LOXL2: variants seen among roughly 807,000 people sequenced by gnomAD.
LOXL2 encodes lysyl oxidase like 2.
LOXL2 carries 70 observed loss-of-function variants against 93.0 expected under a neutral mutation model. The observed-to-expected ratio is 0.75, with a 90% CI of 0.62 to 0.92. The LOEUF (loss-of-function observed/expected upper bound fraction) is 0.92. Among genes scored for constraint, LOXL2 ranks in the 40% least tolerant of loss-of-function variants. The pLI is 0.00. For missense variants in LOXL2, 973 were observed against 1,054.9 expected, an observed-to-expected ratio of 0.92 and a Z score of 1.08; for synonymous variants, 438 against 413.2, an observed-to-expected ratio of 1.06 and a Z score of -0.73.
intron 8 of LOXL2, among the ~76,000 whole-genome samples, chr8:23,318,462 A>ACACACACACACACAC (rs1563188784): frequency 4.6e-5 from 5 of 108,346 alleles, no homozygotes; most frequent in African/African-American, 2.4e-4. Flanking sequence ...CACACACACA[A>ACACACACACACACAC]AAATACACAT....
chr8:23,303,821 C>T (rs961426375), intron 10 of LOXL2, among the ~76,000 whole-genome samples: 10 of 152,102 alleles, frequency 6.6e-5, no homozygotes, highest in East Asian at 5.8e-4. Context: ...CGCATTTTGA[C>T]GTCTTTTGAA....
chr8:23,361,536 T>A (rs1423132297), intron 2 of LOXL2, among the ~76,000 whole-genome samples: 1 of 152,066 alleles, frequency 6.6e-6, no homozygotes, highest in African/African-American at 2.4e-5. Context: ...ACCCTTAGGA[T>A]GGCTACTATC....
intron 3 of LOXL2, among the ~76,000 whole-genome samples, chr8:23,350,349 C>T (rs1804072452): frequency 1.3e-5 from 2 of 152,042 alleles, no homozygotes; most frequent in South Asian, 2.1e-4. Flanking sequence ...GAGGCCGAGG[C>T]GGGCAGTTCA....
intron 11 of LOXL2, 105 bp downstream of exon 11, chr8:23,303,177 G>A: frequency 1.3e-6 from 1 of 757,000 alleles, no homozygotes; most frequent in Non-Finnish European, 2.4e-6. Context: ...AGTGGTCAGA[G>A]TGACACAGGG....
chr8:23,387,719 G>C (rs1330893176), intron 1 of LOXL2, among the ~76,000 whole-genome samples: 2 of 152,156 alleles, frequency 1.3e-5, no homozygotes, highest in African/African-American at 4.8e-5. Context: ...GGAGGCTGAG[G>C]CAGGTGGATC....
intron 7 of LOXL2, among the ~76,000 whole-genome samples, chr8:23,320,915 A>G (rs1803485186): frequency 6.6e-6 from 1 of 152,176 alleles, no homozygotes; most frequent in African/African-American, 2.4e-5. Flanking sequence ...CAAAAAACAA[A>G]CGAATAAAAA....
chr8:23,350,974 C>T (rs1804083016), intron 3 of LOXL2, among the ~76,000 whole-genome samples: 1 of 152,142 alleles, frequency 6.6e-6, no homozygotes, highest in African/African-American at 2.4e-5. Flanking sequence ...GACCACCCAC[C>T]ACACAACCTC....
chr8:23,354,546 G>A (rs1460757745), intron 3 of LOXL2, among the ~76,000 whole-genome samples: 1 of 151,944 alleles, frequency 6.6e-6, no homozygotes, highest in East Asian at 1.9e-4. Context: ...GGCAAAGAGA[G>A]AACCCAAGCA....
At chr8:23,299,537 C>T (rs920037497) in intron 12 of LOXL2, among the ~76,000 whole-genome samples, 6 of 152,170 alleles carry the variant, frequency 3.9e-5, no homozygotes, top group African/African-American at 1.4e-4. Flanking sequence ...CCCCTGTATC[C>T]GCATCCCCCC....
chr8:23,368,404 A>T lies in LOXL2; in HGVS notation c.-53T>A. ...AAGGGGCCCTGCGCAGCTGGGAGGG[A>T]CAGGCGGGGTACAGAAGCAGCAGGA... On this transcript the variant is annotated 5_prime_UTR_variant, in exon 2 of 14. Transcript: ENST00000389131. The T allele has an allele frequency of 2.0e-6, 3 of 1,498,082 alleles. No homozygotes were observed. Among genetic ancestry groups the T allele is most frequent in the Non-Finnish European group, 2.8e-6 (3 of 1,085,752 alleles). 92.8% of individuals were successfully genotyped at this position (1,498,082 alleles called of 1,614,324 possible).
chr8:23,372,090 A>G (rs915458082), intron 1 of LOXL2, among the ~76,000 whole-genome samples: 2 of 152,216 alleles, frequency 1.3e-5, no homozygotes, highest in Admixed American at 6.5e-5. Flanking sequence ...TTACAAATAG[A>G]AAAAATATTA....
chr8:23,388,623 T>TCACACACACACACA, intron 1 of LOXL2, among the ~76,000 whole-genome samples: 1 of 142,930 alleles, frequency 7.0e-6, no homozygotes, highest in Non-Finnish European at 1.5e-5. Flanking sequence ...AAAAATATAC[T>TCACACACACACACA]CACACACACA....
chr8:23,374,411 T>C (rs983010102), intron 1 of LOXL2, among the ~76,000 whole-genome samples: 1 of 152,184 alleles, frequency 6.6e-6, no homozygotes, highest in Non-Finnish European at 1.5e-5. Flanking sequence ...AATAAACATA[T>C]GTGTGCATGC....
intron 1 of LOXL2, among the ~76,000 whole-genome samples, chr8:23,390,103 C>T (rs2117235027): frequency 6.6e-6 from 1 of 152,292 alleles, no homozygotes; most frequent in East Asian, 1.9e-4. Flanking sequence ...GGTCTCTCTC[C>T]TCCATCAGAC....
At chr8:23,355,015 A>G (rs989778697) in intron 3 of LOXL2, among the ~76,000 whole-genome samples, 78 of 135,048 alleles carry the variant, frequency 5.8e-4, no homozygotes, top group African/African-American at 1.9e-3. Flanking sequence ...CTGGAGTGCA[A>G]TGGCACCATC....
In LOXL2 at chr8:23,400,509, A is replaced by G. The variant is rs751111536; in HGVS notation, c.-84+3445T>C. 5.9e-5 allele frequency among the ~76,000 whole-genome samples: 9 copies of G among 152,204 alleles called. 1 individual carries two copies. Among genetic ancestry groups the G allele is most frequent in the African/African-American group, 1.7e-4 (7 of 41,452 alleles). On this transcript the variant is annotated intron_variant, in intron 1 of 13. Transcript: ENST00000389131. Reference sequence around the variant, plus strand: ...GGAATTATGACAGCTACAATTCACAATGAGATTTGGGTGGGGACACAGCCA... The same window carrying G: ...GGAATTATGACAGCTACAATTCACAGTGAGATTTGGGTGGGGACACAGCCA...
At chr8:23,355,391 C>T (rs1210966353) in intron 3 of LOXL2, among the ~76,000 whole-genome samples, 2 of 152,004 alleles carry the variant, frequency 1.3e-5, no homozygotes, top group Non-Finnish European at 2.9e-5. Flanking sequence ...TCCTGTTGGC[C>T]TTTCCTCTGG....
chr8:23,338,480 G>A (rs1803832029), intron 4 of LOXL2, among the ~76,000 whole-genome samples: 1 of 152,176 alleles, frequency 6.6e-6, no homozygotes, highest in South Asian at 2.1e-4. Context: ...GAGGCTATAA[G>A]GTCCTTCACG....
rs114578853 is a variant in LOXL2 at position 23,315,367 on chromosome 8, C to T, written c.1636+1582G>A. ...TACTTTATTTCCCTGAATACTCTAA[C>T]GTGCATTTAGCCAGAGCAGCCAAGA... On this transcript the variant is annotated intron_variant, in intron 9 of 13. Coordinates refer to ENST00000389131, the MANE Select transcript of LOXL2 (RefSeq NM_002318.3). 9.7e-3 allele frequency among the ~76,000 whole-genome samples: 1,480 copies of T among 152,246 alleles called. 20 individuals are homozygous for T. The highest frequency in any genetic ancestry group is 0.034 in the African/African-American group (1,409 of 41,522).
Sources: allele counts gnomAD v4.1 joint callset (sites outside exome capture counted in the v4.1 genomes callset), GRCh38; gene constraint gnomAD v4.1.1; transcripts MANE v1.5; gene names NCBI Gene and HGNC (gene_info 2026-07-23, HGNC 2026-07-21).